SEMA4G: variants seen among roughly 807,000 people sequenced by gnomAD.
The protein encoded by SEMA4G is semaphorin-4G.
In SEMA4G, 59 loss-of-function variants were observed where a neutral mutation model predicts 81.2. That is an observed-to-expected ratio of 0.73 (90% CI 0.59 to 0.90). The LOEUF (loss-of-function observed/expected upper bound fraction) is 0.90. Among genes scored for constraint, SEMA4G ranks in the 40% least tolerant of loss-of-function variants. The pLI, the probability that SEMA4G is intolerant of heterozygous loss-of-function variation, is 0.00. For synonymous variants in SEMA4G, 404 were observed against 433.9 expected (o/e 0.93, Z 0.86); for missense variants, 952 against 1,102.3 (o/e 0.86, Z 1.93).
exon 14 of SEMA4G, chr10:100,984,154 C>T: frequency 6.3e-7 from 1 of 1,583,892 alleles, no homozygotes; most frequent in Non-Finnish European, 8.6e-7. Context: ...AGAACAAATG[C>T]TCTTCCAAGC....
At chr10:100,974,335 T>G (rs536477849) in intron 3 of SEMA4G, among the ~76,000 whole-genome samples, 1 of 151,958 alleles carries the variant, frequency 6.6e-6, no homozygotes, top group Non-Finnish European at 1.5e-5. Flanking sequence ...TATGCTGGCG[T>G]GCACCTGTAG....
intron 5 of SEMA4G, 48 bp from the exon 7 acceptor site, chr10:100,978,479 C>T: frequency 1.3e-6 from 2 of 1,591,134 alleles, no homozygotes; most frequent in Non-Finnish European, 1.7e-6. Flanking sequence ...TGTCATGTGC[C>T]CTGTTGAATA....
At chr10:100,984,415 A>T (rs543028700) in exon 14 of SEMA4G, 1 of 1,469,622 alleles carries the variant, frequency 6.8e-7, no homozygotes, top group Non-Finnish European at 9.0e-7. Context: ...CCTATCCCCT[A>T]ACCTAAACAC....
chr10:100,971,243 C>A (rs1850624046), upstream of SEMA4G, among the ~76,000 whole-genome samples: 1 of 152,176 alleles, frequency 6.6e-6, no homozygotes, highest in Non-Finnish European at 1.5e-5. Context: ...GGGGCATGTT[C>A]CTCCTAGCCA....
intron 13 of SEMA4G, 118 bp downstream of exon 14, chr10:100,981,347 A>G: frequency 6.2e-7 from 1 of 1,604,218 alleles, no homozygotes; most frequent in Non-Finnish European, 8.5e-7. Flanking sequence ...TTTGGTAAGG[A>G]TGACTCAAAC....
chr10:100,978,648 G>A lies in SEMA4G; in HGVS notation c.643+8G>A. On this transcript the variant is annotated splice_region_variant and intron_variant, in intron 6 of 13. Transcript: ENST00000370250. The stretch of plus-strand genomic sequence containing the variant: ...CAATGCATTGGCTCAATGGTTAGGA[G>A]GATGAGGCACAGGATGATGGGGGGT... 1 of 1,611,028 alleles carries A rather than the reference G, an allele frequency of 6.2e-7. No homozygotes were observed. The highest frequency in any genetic ancestry group is 1.1e-5 in the South Asian group (1 of 91,022).
At chr10:100,971,760 T>TG (rs1371130407), upstream of SEMA4G, among the ~76,000 whole-genome samples, 1 of 152,108 alleles carries the variant, frequency 6.6e-6, no homozygotes, top group Non-Finnish European at 1.5e-5. Context: ...CTGGTTGGCT[T>TG]GAGGGAGGGT....
upstream of SEMA4G, among the ~76,000 whole-genome samples, chr10:100,970,336 G>A (rs1365265661): frequency 6.6e-6 from 1 of 152,052 alleles, no homozygotes; most frequent in African/African-American, 2.4e-5. Flanking sequence ...GGTTAAGTGG[G>A]GGCTGAGAGC....
chr10:100,978,767 G>A (rs1384788046), intron 6 of SEMA4G, 82 bp from the exon 8 acceptor site: 73 of 1,572,936 alleles, frequency 4.6e-5, no homozygotes, highest in Non-Finnish European at 5.9e-5. Flanking sequence ...CCTGTGTGTT[G>A]TCAAGTGAGG....
At chr10:100,976,079 G>A (rs1012244930) in intron 3 of SEMA4G, among the ~76,000 whole-genome samples, 7 of 151,968 alleles carry the variant, frequency 4.6e-5, no homozygotes, top group African/African-American at 1.2e-4. Flanking sequence ...TTATGGAGAC[G>A]GGGGACAGAT....
chr10:100,979,783 G>A, intron 8 of SEMA4G, 65 bp from the exon 10 acceptor site: 1 of 1,588,898 alleles, frequency 6.3e-7, no homozygotes, highest in Admixed American at 1.7e-5. Context: ...TTCAGGCTGA[G>A]CACGAGTTGG....
exon 12 of SEMA4G, chr10:100,980,928 G>A (rs1236915123): frequency 6.2e-7 from 1 of 1,611,752 alleles, no homozygotes; most frequent in South Asian, 1.1e-5. Context: ...GACCCCTACT[G>A]TGGCTGGGAC....
At chr10:100,980,028 C>T in intron 9 of SEMA4G, 36 bp downstream of exon 10, 1 of 1,613,862 alleles carries the variant, frequency 6.2e-7, no homozygotes, top group Non-Finnish European at 8.5e-7. Context: ...GCTGAGTAGA[C>T]AGAGCCCAGG....
chr10:100,973,240 TCA>T lies in SEMA4G; in HGVS notation c.237_238del (p.Ser80CysfsTer37). The T allele has an allele frequency of 4.3e-6, 7 of 1,613,436 alleles. No homozygotes were observed. The highest frequency in any genetic ancestry group is 5.9e-6 in the Non-Finnish European group (7 of 1,180,024). ...GGAGCCCGAGGTGCCCTGTTCTCTC[TCA>T]GTGCCAACGACATAGGAGATGGGGC... On this transcript the variant is annotated frameshift_variant, in exon 2 of 14. Coordinates refer to ENST00000370250, the Ensembl canonical transcript of SEMA4G. LOFTEE classifies it high-confidence loss of function. The surrounding 1 kb of genome is among the most constrained non-coding windows in gnomAD (Gnocchi z 5.5).
downstream of SEMA4G, chr10:100,985,145 A>G: frequency 2.3e-6 from 1 of 428,232 alleles, no homozygotes; most frequent in Non-Finnish European, 4.1e-6. Context: ...GGGGGAATCA[A>G]GCATTTGCTT....
At position 100,979,282 on chromosome 10, in the gene SEMA4G, G is replaced by A. The variant is rs866156478; in HGVS notation, c.983+11G>A. ...GCTGAGCACACAGTGGTCAGTGCAGGGACAATCGGGAGGCAAGAAACTGCG... is the reference window on the plus strand; with the variant it reads ...GCTGAGCACACAGTGGTCAGTGCAGAGACAATCGGGAGGCAAGAAACTGCG... On this transcript the variant is annotated intron_variant, in intron 8 of 13. Transcript: ENST00000370250. 9.9e-6 allele frequency: 16 copies of A among 1,614,048 alleles called. No homozygotes were observed. In the African/African-American group the frequency reaches 1.9e-4, roughly 19 times the overall value.
chr10:100,979,028 G>T lies in SEMA4G; in HGVS notation c.813+10G>T, dbSNP rs1177726948. ...GGCTCGTGTCTGCAAGGTGGATTGG[G>T]CTGACGTTGGGGCACGGGTATAGAG... is the stretch of plus-strand genomic sequence containing the variant. On this transcript the variant is annotated intron_variant, in intron 7 of 13. Transcript: ENST00000370250. The T allele has an allele frequency of 1.2e-6, 2 of 1,613,716 alleles. No homozygotes were observed. Among genetic ancestry groups the T allele is most frequent in the Non-Finnish European group, 8.5e-7 (1 of 1,179,696 alleles).
chr10:100,971,487 C>G (rs1183548612), upstream of SEMA4G, among the ~76,000 whole-genome samples: 1 of 152,232 alleles, frequency 6.6e-6, no homozygotes, highest in Non-Finnish European at 1.5e-5. Flanking sequence ...ACCTTTACCT[C>G]TTGAATAATT....
In SEMA4G at chr10:100,972,799, CAAGT is replaced by C; in HGVS notation, c.-113_-110del. The C allele has an allele frequency of 8.3e-7, 1 of 1,205,410 alleles. No individual in the cohort carries two copies. The highest frequency in any genetic ancestry group is 1.2e-6 in the Non-Finnish European group (1 of 859,942). The allele number at this position is 1,205,410 out of a possible 1,614,324, so 74.7% of individuals were successfully genotyped here. ...TATGACCTTATGACCCCTGACCTTCCAAGTGACTTCCTTGGACTTTGACCCCTGT... is the reference window on the plus strand; with the variant it reads ...TATGACCTTATGACCCCTGACCTTCCGACTTCCTTGGACTTTGACCCCTGT... On this transcript the variant is annotated 5_prime_UTR_variant, in exon 1 of 14. It removes the in-frame stop codon of an upstream open reading frame in the 5' UTR. Coordinates refer to ENST00000370250, the Ensembl canonical transcript of SEMA4G.
Sources: allele counts gnomAD v4.1 joint callset (sites outside exome capture counted in the v4.1 genomes callset), GRCh38; gene constraint gnomAD v4.1.1; non-coding constraint Gnocchi (gnomAD v3.1); transcripts MANE v1.5; gene names NCBI Gene and HGNC (gene_info 2026-07-23, HGNC 2026-07-21).